MAN2A1: variants seen among roughly 807,000 people sequenced by gnomAD.
The protein encoded by MAN2A1 is mannosidase alpha class 2A member 1.
Under a neutral mutation model 142.6 loss-of-function variants are expected in MAN2A1, and 76 were observed. The ratio of observed to expected loss-of-function variants is 0.53; its 90% CI spans 0.44 to 0.65. The LOEUF is 0.65. MAN2A1 is among the 30% of genes least tolerant of loss of function. MAN2A1 has a pLI of 0.00. For synonymous variants in MAN2A1, 559 were observed against 473.2 expected, an observed-to-expected ratio of 1.18 and a Z score of -2.35; for missense variants, 1,311 against 1,365.1, an observed-to-expected ratio of 0.96 and a Z score of 0.62.
chr5:109,776,353 A>G (rs1216074097), intron 8 of MAN2A1, among the ~76,000 whole-genome samples: 1 of 152,142 alleles, frequency 6.6e-6, no homozygotes, highest in Non-Finnish European at 1.5e-5. Context: ...AATTTTTATC[A>G]GATTATGAAC....
At chr5:109,710,366 T>C (rs1751264204) in intron 1 of MAN2A1, among the ~76,000 whole-genome samples, 1 of 152,230 alleles carries the variant, frequency 6.6e-6, no homozygotes, top group Admixed American at 6.5e-5. Flanking sequence ...CAGTGTGTAC[T>C]TGTTGAGCTA....
chr5:109,785,267 T>C (rs765677873), intron 10 of MAN2A1, among the ~76,000 whole-genome samples: 4 of 152,086 alleles, frequency 2.6e-5, no homozygotes, highest in Non-Finnish European at 4.4e-5. Flanking sequence ...AACATAGTTA[T>C]AATGTAGAGA....
At chr5:109,790,481 A>G (rs898441752) in intron 12 of MAN2A1, among the ~76,000 whole-genome samples, 4 of 151,902 alleles carry the variant, frequency 2.6e-5, no homozygotes, top group Non-Finnish European at 5.9e-5. Context: ...AAGTTTTTTT[A>G]TTTTAGTAAT....
chr5:109,823,860 A>G (rs755114667), intron 16 of MAN2A1, 23 bp downstream of exon 16: 77 of 1,168,816 alleles, frequency 6.6e-5, no homozygotes, highest in East Asian at 1.3e-4. Context: ...GAATGCAGTT[A>G]TGAAACATAT....
chr5:109,843,569 A>G (rs896866302), intron 17 of MAN2A1, among the ~76,000 whole-genome samples: 1 of 152,148 alleles, frequency 6.6e-6, no homozygotes, highest in African/African-American at 2.4e-5. Flanking sequence ...ATTTCAGGAA[A>G]ACTCTTCCTC....
intron 9 of MAN2A1, among the ~76,000 whole-genome samples, chr5:109,783,888 C>G (rs1753527081): frequency 6.6e-6 from 1 of 151,664 alleles, no homozygotes; most frequent in Non-Finnish European, 1.5e-5. Context: ...TTTTAAGAGA[C>G]AGAGTCTTGC....
intron 6 of MAN2A1, among the ~76,000 whole-genome samples, chr5:109,768,303 C>A (rs1753049870): frequency 6.6e-6 from 1 of 152,184 alleles, no homozygotes; most frequent in South Asian, 2.1e-4. Context: ...TTAATTCAGA[C>A]CACCTTATTT....
chr5:109,833,145 A>T (rs1754967716), intron 16 of MAN2A1, among the ~76,000 whole-genome samples: 2 of 145,054 alleles, frequency 1.4e-5, no homozygotes, highest in Non-Finnish European at 3.0e-5. Context: ...CACTTCCCAG[A>T]GGGGATGGCG....
Position 109,866,956 on chromosome 5 carries a change from G to T in MAN2A1, c.3393G>T (p.Leu1131Phe). ...PGTQNISEIN[L>F]SPMEISTFRI... ...CTCAGAATATAAGTGAGATCAACTTGAGTCCAATGGAAATCAGCACATTCC... is the reference window on the plus strand; with the variant it reads ...CTCAGAATATAAGTGAGATCAACTTTAGTCCAATGGAAATCAGCACATTCC... Residue 1131 changes from leucine (L) to phenylalanine (F), a missense_variant, in exon 22 of 22, where the codon TTG becomes TTT. Coordinates refer to ENST00000261483, the MANE Select transcript of MAN2A1 (RefSeq NM_002372.4). 1 of 1,612,120 alleles carries T rather than the reference G, an allele frequency of 6.2e-7. No homozygotes were observed. The highest frequency in any genetic ancestry group is 8.5e-7 in the Non-Finnish European group (1 of 1,179,012).
intron 15 of MAN2A1, 84 bp downstream of exon 15, chr5:109,820,426 T>A: frequency 7.6e-7 from 1 of 1,309,916 alleles, no homozygotes. Flanking sequence ...TGTCATTATT[T>A]TATCATCTGT....
chr5:109,849,546 A>G (rs978694781), intron 19 of MAN2A1, among the ~76,000 whole-genome samples: 7 of 152,010 alleles, frequency 4.6e-5, no homozygotes, highest in East Asian at 1.9e-4. Flanking sequence ...GCCATCACCT[A>G]TCTATCTCAT....
chr5:109,693,068 C>T (rs563789436), intron 1 of MAN2A1, among the ~76,000 whole-genome samples: 19 of 152,198 alleles, frequency 1.2e-4, no homozygotes, highest in African/African-American at 4.1e-4. Flanking sequence ...GGGTTGGTTG[C>T]CCCCTGTATA....
At chr5:109,861,952 T>G (rs1023130272) in intron 20 of MAN2A1, among the ~76,000 whole-genome samples, 2 of 152,176 alleles carry the variant, frequency 1.3e-5, no homozygotes, top group Non-Finnish European at 2.9e-5. Flanking sequence ...GATAGAGATT[T>G]TCTCGTATAT....
chr5:109,799,789 CA>C (rs1336032413), intron 12 of MAN2A1, among the ~76,000 whole-genome samples: 86 of 147,280 alleles, frequency 5.8e-4, no homozygotes, highest in African/African-American at 2.1e-3. Context: ...CAAATCACAA[CA>C]AAAAATCTCC....
Position 109,719,197 on chromosome 5 carries a change from C to T in MAN2A1, c.535+2933C>T, listed in dbSNP as rs191968294. 6.3e-3 allele frequency among the ~76,000 whole-genome samples: 957 copies of T among 152,236 alleles called. 6 individuals are homozygous for T. The highest frequency in any genetic ancestry group is 0.011 in the Non-Finnish European group (745 of 68,006). On this transcript the variant is annotated intron_variant, in intron 3 of 21. Coordinates refer to ENST00000261483, the MANE Select transcript of MAN2A1 (RefSeq NM_002372.4). ...TCTTTTGGTATCCTAGTAACTATAG[C>T]TGAATCTTTTTGTCTTAGTAAAAGA... is the stretch of plus-strand genomic sequence containing the variant.
chr5:109,827,959 G>T (rs1754799411), intron 16 of MAN2A1, among the ~76,000 whole-genome samples: 1 of 152,124 alleles, frequency 6.6e-6, no homozygotes, highest in South Asian at 2.1e-4. Flanking sequence ...CAAAAAGTTA[G>T]CTGGGTTTGG....
chr5:109,762,106 T>C (rs1284237555), intron 5 of MAN2A1, among the ~76,000 whole-genome samples: 1 of 152,154 alleles, frequency 6.6e-6, no homozygotes, highest in African/African-American at 2.4e-5. Context: ...TTTTCATATG[T>C]ATATTTAAAC....
Position 109,788,889 on chromosome 5 carries a change from G to T in MAN2A1, c.1761-45G>T, listed in dbSNP as rs1164357868. ...AATGAAACTGAAAATATTGTATGCA[G>T]ATTTTTAAATTGTTTCTCAGACTAA... On this transcript the variant is annotated intron_variant, in intron 10 of 21. Coordinates refer to ENST00000261483, the MANE Select transcript of MAN2A1 (RefSeq NM_002372.4). 5.6e-6 allele frequency: 5 copies of T among 898,852 alleles called. No homozygotes were observed. The South Asian group carries it at 7.0e-5, about 13-fold the overall frequency. The allele number at this position is 898,852 out of a possible 1,614,324, so 55.7% of individuals were successfully genotyped here.
At chr5:109,846,906 G>A (rs1372547316) in intron 18 of MAN2A1, among the ~76,000 whole-genome samples, 2 of 152,162 alleles carry the variant, frequency 1.3e-5, no homozygotes, top group East Asian at 1.9e-4. Flanking sequence ...GGATCCAGTA[G>A]GGAGGGTTAG....
Sources: allele counts gnomAD v4.1 joint callset (sites outside exome capture counted in the v4.1 genomes callset), GRCh38; gene constraint gnomAD v4.1.1; transcripts MANE v1.5; gene names NCBI Gene and HGNC (gene_info 2026-07-23, HGNC 2026-07-21).